The following ZNF385D variants were observed in gnomAD, a reference collection of about 807,000 sequenced individuals.
ZNF385D encodes zinc finger protein 659.
ZNF385D carries 15 observed loss-of-function variants against 35.8 expected under a neutral mutation model. That is an observed-to-expected ratio of 0.42 (90% confidence interval 0.28 to 0.64). The LOEUF is 0.64. ZNF385D is among the 30% of genes least tolerant of loss of function. The probability of loss-of-function intolerance (pLI) is 0.23; values close to 1 mark genes in which losing one functional copy is unlikely to be tolerated. For missense variants in ZNF385D, 474 were observed against 494.6 expected, an observed-to-expected ratio of 0.96 and a Z score of 0.39; for synonymous variants, 212 against 186.8, an observed-to-expected ratio of 1.13 and a Z score of -1.10.
chr3:22,133,431 A>T (rs1703920648), intron 3 of ZNF385D, among the ~76,000 whole-genome samples: 1 of 151,780 alleles, frequency 6.6e-6, no homozygotes, highest in Admixed American at 6.6e-5. Context: ...AAGAGGAGGG[A>T]GAGAGAAAGG....
In ZNF385D at chr3:21,496,515, TA is replaced by T. The variant is rs566308606; in HGVS notation, c.439+14345del. Among the ~76,000 whole-genome samples, 193 of 119,174 alleles carry T rather than the reference TA, an allele frequency of 1.6e-3. 1 individual carries two copies. Among genetic ancestry groups the T allele is most frequent in the African/African-American group, 6.1e-3 (178 of 29,132 alleles). The allele number at this position is 119,174 out of a possible 152,430, so 78.2% of individuals were successfully genotyped here. A position where few individuals can be genotyped will look rare whatever the true frequency, so the allele number is the denominator to read the frequency against. ...ATTTGATATATATATCATATATATA[TA>T]CACATATATTTGATATATATATCAT... On this transcript the variant is annotated intron_variant, in intron 4 of 7. Coordinates refer to ENST00000281523, the MANE Select transcript of ZNF385D (RefSeq NM_024697.3).
intron 2 of ZNF385D, among the ~76,000 whole-genome samples, chr3:21,604,379 ATTTTTGG>A (rs2064412713): frequency 6.6e-6 from 1 of 152,132 alleles, no homozygotes; most frequent in Non-Finnish European, 1.5e-5. Flanking sequence ...GGCGCTGAAA[ATTTTTGG>A]TTTTTGGTTT....
At chr3:21,954,994 AGT>A (rs1702222299) in intron 3 of ZNF385D, among the ~76,000 whole-genome samples, 1 of 152,178 alleles carries the variant, frequency 6.6e-6, no homozygotes, top group Non-Finnish European at 1.5e-5. Flanking sequence ...TGCCCCTGTG[AGT>A]TCACTGGAAT....
At chr3:21,799,034 C>T (rs947002951) in intron 3 of ZNF385D, among the ~76,000 whole-genome samples, 1 of 152,102 alleles carries the variant, frequency 6.6e-6, no homozygotes, top group East Asian at 1.9e-4. Flanking sequence ...CTGAATATTC[C>T]ATATAAGCGG....
rs191274153 is a variant in ZNF385D at position 22,217,553 on chromosome 3, T to A, written c.107-48518A>T. Among the ~76,000 whole-genome samples the A allele has an allele frequency of 2.9e-4, 44 of 152,336 alleles. No individual in the cohort carries two copies. In the East Asian group the frequency reaches 8.1e-3, roughly 28 times the overall value. On this transcript the variant is annotated intron_variant, in intron 2 of 5. Coordinates refer to the ZNF385D transcript ENST00000494108. ...TTTTGAAGTACTGGATGTTGGGACT[T>A]TAACACATGAGCTTTTATGGGATAT...
chr3:22,221,336 C>T (rs892790985), intron 2 of ZNF385D, among the ~76,000 whole-genome samples: 1 of 151,986 alleles, frequency 6.6e-6, no homozygotes, highest in African/African-American at 2.4e-5. Flanking sequence ...GTATTTATTT[C>T]TCAGCTTCAA....
At chr3:21,718,019 G>A (rs1017031935) in intron 1 of ZNF385D, among the ~76,000 whole-genome samples, 2 of 152,136 alleles carry the variant, frequency 1.3e-5, no homozygotes, top group Admixed American at 1.3e-4. Context: ...ATAAGTCTGG[G>A]GAGGCACCAC....
chr3:22,151,207 G>A (rs1705210751), intron 3 of ZNF385D, among the ~76,000 whole-genome samples: 3 of 152,094 alleles, frequency 2.0e-5, no homozygotes, highest in East Asian at 1.9e-4. Context: ...CATTGGGGCT[G>A]GGGAAGGAAC....
intron 4 of ZNF385D, among the ~76,000 whole-genome samples, chr3:21,451,165 C>T (rs1171638002): frequency 1.3e-5 from 2 of 151,960 alleles, no homozygotes; most frequent in East Asian, 3.9e-4. Context: ...ATATGACGAA[C>T]CAATCAATAC....
intron 2 of ZNF385D, among the ~76,000 whole-genome samples, chr3:22,218,030 T>C (rs1698003386): frequency 6.6e-6 from 1 of 152,140 alleles, no homozygotes; most frequent in Non-Finnish European, 1.5e-5. Context: ...CTCCAACAGA[T>C]ACACAGCAAG....
intron 4 of ZNF385D, among the ~76,000 whole-genome samples, chr3:21,467,250 C>G (rs1418801477): frequency 3.9e-5 from 6 of 152,128 alleles, no homozygotes; most frequent in African/African-American, 1.4e-4. Flanking sequence ...TAAACTTTTT[C>G]AAAATGTAAA....
chr3:21,517,932 T>G (rs1413214005), intron 3 of ZNF385D, among the ~76,000 whole-genome samples: 1 of 152,176 alleles, frequency 6.6e-6, no homozygotes, highest in African/African-American at 2.4e-5. Flanking sequence ...AGTGTGGGCT[T>G]GGGACACTGT....
intron 3 of ZNF385D, among the ~76,000 whole-genome samples, chr3:22,018,244 T>C (rs1697008674): frequency 6.6e-6 from 1 of 151,680 alleles, no homozygotes. Context: ...TATGTGTTTT[T>C]TTTTAAGAAT....
rs554767813 is a variant in ZNF385D, at chr3:21,994,917, A to G, written c.325+173900T>C. Among the ~76,000 whole-genome samples, 303 of 152,290 alleles carry G rather than the reference A, an allele frequency of 2.0e-3. 2 individuals are homozygous for G. The highest frequency in any genetic ancestry group is 7.0e-3 in the African/African-American group (292 of 41,550). On this transcript the variant is annotated intron_variant, in intron 3 of 5. Coordinates refer to the ZNF385D transcript ENST00000494108. The stretch of plus-strand genomic sequence containing the variant: ...ACTTTAGATCAGCTGGTCATTGGGC[A>G]CTAGTGGCAACAGCAGTGGGCTGGG...
Position 22,159,781 on chromosome 3 carries a change from T to G in ZNF385D, c.325+9036A>C, listed in dbSNP as rs11924048. ...TTCAGTCAAACAAGAATACAGTGTC[T>G]TATTATATATTTTTGAACAATTTAA... is the stretch of plus-strand genomic sequence containing the variant. On this transcript the variant is annotated intron_variant, in intron 3 of 5. Coordinates refer to the ZNF385D transcript ENST00000494108. Among the ~76,000 whole-genome samples, 1,240 of 152,256 alleles carry G rather than the reference T, an allele frequency of 8.1e-3. 18 individuals are homozygous for G. Among genetic ancestry groups the G allele is most frequent in the African/African-American group, 0.027 (1,135 of 41,576 alleles).
rs533460695 is a variant in ZNF385D at position 22,106,697 on chromosome 3, T to C, written c.325+62120A>G. Among the ~76,000 whole-genome samples the C allele has an allele frequency of 5.9e-5, 9 of 152,318 alleles. No individual in the cohort carries two copies. In the South Asian group the frequency reaches 1.9e-3, roughly 32 times the overall value. ...CCTCTTACCTACTACTTGTTGGTTGTAACCCTTGGAGTTGAACCTGTCTTC... is the reference window on the plus strand; with the variant it reads ...CCTCTTACCTACTACTTGTTGGTTGCAACCCTTGGAGTTGAACCTGTCTTC... On this transcript the variant is annotated intron_variant, in intron 3 of 5. Transcript: ENST00000494108.
intron 2 of ZNF385D, among the ~76,000 whole-genome samples, chr3:21,595,627 A>T (rs2064108230): frequency 6.6e-6 from 1 of 151,988 alleles, no homozygotes; most frequent in South Asian, 2.1e-4. Flanking sequence ...TTAGTTTACT[A>T]TTTTTTAATT....
At chr3:21,673,270 A>T (rs1308498395) in intron 1 of ZNF385D, among the ~76,000 whole-genome samples, 4 of 152,260 alleles carry the variant, frequency 2.6e-5, no homozygotes, top group Non-Finnish European at 5.9e-5. Flanking sequence ...AAATTCAGTT[A>T]TCAGTCACAC....
intron 3 of ZNF385D, among the ~76,000 whole-genome samples, chr3:21,982,709 T>A (rs958576006): frequency 6.6e-6 from 1 of 152,308 alleles, no homozygotes; most frequent in East Asian, 1.9e-4. Context: ...AGTATAACAT[T>A]GACTGTGGAT....
Sources: gnomAD v4.1 joint callset for allele counts (sites outside exome capture counted in the v4.1 genomes callset) on GRCh38, gnomAD v4.1.1 for gene constraint, MANE v1.5 for transcripts, NCBI Gene and HGNC (gene_info 2026-07-23, HGNC 2026-07-21) for gene names.